The following TIAM1 variants were observed in gnomAD, a reference collection of about 807,000 sequenced individuals.
TIAM1 encodes the protein TIAM Rac1 associated GEF 1.
A neutral mutation model predicts 163.5 loss-of-function variants in TIAM1; 65 were observed. The observed-to-expected ratio is 0.40, with a 90% CI of 0.33 to 0.49. The LOEUF (loss-of-function observed/expected upper bound fraction) is 0.49, where lower values mean the gene tolerates loss of function less well. TIAM1 is among the 20% of genes least tolerant of loss of function. The pLI is 0.77. For missense variants in TIAM1, 1,789 were observed against 2,044.7 expected (o/e 0.87, Z 2.41); for synonymous variants, 833 against 810.1 (o/e 1.03, Z -0.48).
At chr21:31,265,049 C>T (rs2072677718) in intron 4 of TIAM1, among the ~76,000 whole-genome samples, 1 of 152,044 alleles carries the variant, frequency 6.6e-6, no homozygotes, top group Non-Finnish European at 1.5e-5. Flanking sequence ...ACTATGTTGC[C>T]CAGGTGGGAC....
intron 27 of TIAM1, among the ~76,000 whole-genome samples, chr21:31,122,895 C>G (rs1358064412): frequency 6.6e-6 from 1 of 152,198 alleles, no homozygotes; most frequent in Non-Finnish European, 1.5e-5. Context: ...TTAAGACTGA[C>G]CAGCTATGCT....
chr21:31,195,176 A>G (rs1326907262), intron 13 of TIAM1, 48 bp downstream of exon 13: 8 of 1,461,590 alleles, frequency 5.5e-6, no homozygotes, highest in South Asian at 1.2e-5. Flanking sequence ...GCATGCTTAC[A>G]TAAGAAATAC....
chr21:31,263,329 TG>T (rs1351338258), intron 4 of TIAM1, among the ~76,000 whole-genome samples: 1 of 152,182 alleles, frequency 6.6e-6, no homozygotes, highest in Admixed American at 6.5e-5. Flanking sequence ...AGGTCACCAC[TG>T]GGTAAGCACA....
intron 1 of TIAM1, among the ~76,000 whole-genome samples, chr21:31,469,842 CAAACAA>C (rs1356943805): frequency 1.1e-4 from 8 of 75,032 alleles, no homozygotes; most frequent in Non-Finnish European, 2.4e-4. Flanking sequence ...AAAAAACAAA[CAAACAA>C]AAAAAAAATC....
At chr21:31,516,183 A>T (rs1402336690) in intron 1 of TIAM1, among the ~76,000 whole-genome samples, 1 of 151,886 alleles carries the variant, frequency 6.6e-6, no homozygotes, top group Non-Finnish European at 1.5e-5. Context: ...AGGCCAAGGC[A>T]GGCAGATCAC....
At chr21:31,506,579 G>A (rs1268281151) in intron 1 of TIAM1, among the ~76,000 whole-genome samples, 3 of 152,124 alleles carry the variant, frequency 2.0e-5, no homozygotes, top group East Asian at 1.9e-4. Flanking sequence ...TTTACTTAAC[G>A]TAATGTCTTC....
In TIAM1 at chr21:31,189,497, T is replaced by A. The variant is rs564479036; in HGVS notation, c.2576-2410A>T. ...AGGTCTGAGAAACAGATCAGACATC[T>A]CTAATTAGTGGGGAAATCTCTATGA... is the stretch of plus-strand genomic sequence containing the variant. On this transcript the variant is annotated intron_variant, in intron 13 of 27. Coordinates refer to ENST00000541036, the MANE Select transcript of TIAM1 (RefSeq NM_001353694.2). 1.2e-4 allele frequency among the ~76,000 whole-genome samples: 18 copies of A among 152,220 alleles called. No individual in the cohort carries two copies. In the South Asian group the frequency reaches 3.3e-3, roughly 28 times the overall value.
intron 1 of TIAM1, among the ~76,000 whole-genome samples, chr21:31,552,610 C>T (rs772831202): frequency 1.3e-5 from 2 of 152,024 alleles, no homozygotes; most frequent in African/African-American, 2.4e-5. Flanking sequence ...CCTGCCTCTC[C>T]TAAAAATACA....
At chr21:31,426,186 T>A (rs2147269005) in intron 2 of TIAM1, among the ~76,000 whole-genome samples, 1 of 152,228 alleles carries the variant, frequency 6.6e-6, no homozygotes, top group South Asian at 2.1e-4. Flanking sequence ...CCACCCTTCC[T>A]CCTGAGTCCC....
chr21:31,164,921 A>T, intron 16 of TIAM1, 41 bp downstream of exon 16: 2 of 1,586,576 alleles, frequency 1.3e-6, no homozygotes, highest in African/African-American at 1.3e-5. Context: ...GTGATTCTTC[A>T]GTGGTTCAAA....
chr21:31,147,142 C>A, intron 19 of TIAM1, 139 bp from the exon 20 acceptor site: 2 of 678,610 alleles, frequency 2.9e-6, no homozygotes, highest in South Asian at 1.8e-5. Flanking sequence ...CCTTTCTTTG[C>A]TATCAAATGC....
rs144815447 is a variant in TIAM1 at position 31,301,295 on chromosome 21, G to A, written c.-188-24387C>T. The stretch of plus-strand genomic sequence containing the variant: ...TTCCTAAGAACTAGATTAATACAGT[G>A]GAATTTAAAATTCTACAATAAAAAC... On this transcript the variant is annotated intron_variant, in intron 2 of 27. Transcript: ENST00000541036. Among the ~76,000 whole-genome samples, 503 of 152,216 alleles carry A rather than the reference G, an allele frequency of 3.3e-3. 10 individuals are homozygous for A. Among genetic ancestry groups the A allele is most frequent in the East Asian group, 0.02 (105 of 5,174 alleles).
chr21:31,170,898 T>C (rs547049841), intron 15 of TIAM1, among the ~76,000 whole-genome samples: 7 of 151,874 alleles, frequency 4.6e-5, no homozygotes, highest in African/African-American at 1.7e-4. Context: ...TAGCCGGGCA[T>C]GGTGGCACGC....
intron 9 of TIAM1, among the ~76,000 whole-genome samples, chr21:31,216,588 G>A (rs1002235079): frequency 6.6e-6 from 1 of 152,134 alleles, no homozygotes; most frequent in Admixed American, 6.6e-5. Context: ...TGGGCTTCAC[G>A]GAAGTAACCC....
chr21:31,179,087 T>C (rs2084897328), intron 15 of TIAM1, among the ~76,000 whole-genome samples: 1 of 151,598 alleles, frequency 6.6e-6, no homozygotes, highest in Non-Finnish European at 1.5e-5. Context: ...TACAAAATTT[T>C]AAGAAATAAA....
intron 20 of TIAM1, among the ~76,000 whole-genome samples, chr21:31,145,709 G>A (rs1474865099): frequency 1.3e-5 from 2 of 152,168 alleles, no homozygotes; most frequent in African/African-American, 4.8e-5. Context: ...CTTTAGAAGT[G>A]CTTTTGGGAG....
chr21:31,266,841 C>T lies in TIAM1; in HGVS notation c.132G>A (p.Ser44=), dbSNP rs142183230. The stretch of plus-strand genomic sequence containing the variant: ...CGGAGTTCCTGTGGATCACCTTCCC[C>T]GAGGAAGCGTGCCTGGTCCTCCGCG... ...HKTRRTRHAS[S]GKVIHRNSEV... The change falls in exon 4 of 28, where the codon TCG becomes TCA. Residue 44 remains serine, a synonymous_variant. Coordinates refer to ENST00000541036, the MANE Select transcript of TIAM1 (RefSeq NM_001353694.2). The T allele has an allele frequency of 8.6e-4, 1,391 of 1,614,148 alleles. 3 individuals are homozygous for T. The highest frequency in any genetic ancestry group is 9.6e-4 in the Non-Finnish European group (1,133 of 1,180,038).
chr21:31,174,847 CTG>C (rs908739552), intron 15 of TIAM1, among the ~76,000 whole-genome samples: 22 of 152,182 alleles, frequency 1.4e-4, no homozygotes, highest in Non-Finnish European at 4.4e-5. Context: ...CAGGGTTTCA[CTG>C]TGTTGGCCAG....
chr21:31,231,763 C>T (rs140185898), intron 6 of TIAM1, among the ~76,000 whole-genome samples: 1 of 152,172 alleles, frequency 6.6e-6, no homozygotes, highest in East Asian at 1.9e-4. Context: ...TGCCTGTAGT[C>T]CCAGCACTTT....
Sources: gnomAD v4.1 joint callset for allele counts (sites outside exome capture counted in the v4.1 genomes callset) on GRCh38, gnomAD v4.1.1 for gene constraint, MANE v1.5 for transcripts, NCBI Gene and HGNC (gene_info 2026-07-23, HGNC 2026-07-21) for gene names.